Variants in PTPN2 observed in about 807,000 individuals in gnomAD.
PTPN2 encodes protein tyrosine phosphatase non-receptor type 2.
Under a neutral mutation model 57.3 loss-of-function variants are expected in PTPN2, and 19 were observed. The ratio of observed to expected loss-of-function variants is 0.33; its 90% CI spans 0.23 to 0.49. The LOEUF (loss-of-function observed/expected upper bound fraction) is 0.49, where lower values mean the gene tolerates loss of function less well. Among genes scored for constraint, PTPN2 ranks in the 20% least tolerant of loss-of-function variants. The probability of loss-of-function intolerance (pLI) is 0.99; values close to 1 mark genes in which losing one functional copy is unlikely to be tolerated. For missense variants in PTPN2, 358 were observed against 501.1 expected (o/e 0.71, Z 2.73); for synonymous variants, 153 against 164.9 (o/e 0.93, Z 0.55).
At chr18:12,818,225 T>A (rs2847285) in intron 5 of PTPN2, among the ~76,000 whole-genome samples, 43,385 of 152,188 alleles carry the variant, frequency 0.29, 7,309 homozygotes, top group Admixed American at 0.4. Context: ...GTTTATTTTT[T>A]AAATATAATC....
chr18:12,869,986 C>T (rs1464445524), intron 1 of PTPN2, among the ~76,000 whole-genome samples: 1 of 151,948 alleles, frequency 6.6e-6, no homozygotes, highest in East Asian at 1.9e-4. Flanking sequence ...CCTTAATATG[C>T]CTGCCACTGG....
intron 1 of PTPN2, among the ~76,000 whole-genome samples, chr18:12,882,157 C>T (rs1027098781): frequency 2.6e-5 from 4 of 152,214 alleles, no homozygotes; most frequent in Non-Finnish European, 5.9e-5. Flanking sequence ...CTCAAACTTC[C>T]TGACTTGCTT....
At chr18:12,867,345 T>C (rs1028343531) in intron 1 of PTPN2, among the ~76,000 whole-genome samples, 3 of 151,244 alleles carry the variant, frequency 2.0e-5, no homozygotes, top group Non-Finnish European at 2.9e-5. Flanking sequence ...AATAAATAAA[T>C]GAAATAAAAA....
chr18:12,804,538 C>T (rs1207918883), intron 7 of PTPN2, among the ~76,000 whole-genome samples: 1 of 150,734 alleles, frequency 6.6e-6, no homozygotes, highest in Non-Finnish European at 1.5e-5. Context: ...AGACTCAAAT[C>T]AGAGATGAAA....
chr18:12,804,994 A>C (rs1245354550), intron 7 of PTPN2, among the ~76,000 whole-genome samples: 4 of 152,254 alleles, frequency 2.6e-5, no homozygotes, highest in Non-Finnish European at 1.5e-5. Context: ...AATTGAATTC[A>C]ACAGTATATT....
chr18:12,853,978 T>C (rs2043484162), intron 2 of PTPN2, among the ~76,000 whole-genome samples: 1 of 152,156 alleles, frequency 6.6e-6, no homozygotes, highest in African/African-American at 2.4e-5. Flanking sequence ...AACAAGGAGA[T>C]GGGTTTGGAG....
chr18:12,875,214 G>A (rs2044446355), intron 1 of PTPN2, among the ~76,000 whole-genome samples: 1 of 151,616 alleles, frequency 6.6e-6, no homozygotes, highest in Non-Finnish European at 1.5e-5. Flanking sequence ...AGAGACCTTT[G>A]TTCACTTGTT....
At chr18:12,852,926 C>A (rs973863780) in intron 2 of PTPN2, among the ~76,000 whole-genome samples, 2 of 152,132 alleles carry the variant, frequency 1.3e-5, no homozygotes. Context: ...GTTCAGGCTA[C>A]CATTCTTTTT....
chr18:12,834,409 C>T lies in PTPN2; in HGVS notation c.261+2382G>A, dbSNP rs887387634. Among the ~76,000 whole-genome samples, 4 of 151,718 alleles carry T rather than the reference C, an allele frequency of 2.6e-5. No homozygotes were observed. The South Asian group carries it at 8.3e-4, about 32-fold the overall frequency. ...TATAAAATAAAGGTAATACTATTTA[C>T]CACAGAGGGTTGTCCTAAGGTTTAA... On this transcript the variant is annotated intron_variant, in intron 3 of 8. Transcript: ENST00000309660.
intron 5 of PTPN2, among the ~76,000 whole-genome samples, chr18:12,825,568 A>G (rs148716610): frequency 3.3e-5 from 5 of 152,164 alleles, no homozygotes; most frequent in Admixed American, 3.3e-4. Flanking sequence ...ATGTATTTCT[A>G]TTAATTAATT....
intron 7 of PTPN2, among the ~76,000 whole-genome samples, chr18:12,811,237 C>G (rs767108607): frequency 1.3e-5 from 2 of 152,116 alleles, no homozygotes; most frequent in Non-Finnish European, 2.9e-5. Context: ...GCTGTGACCC[C>G]TTATAAAGAT....
intron 1 of PTPN2, chr18:12,872,408 G>C (rs564571263): frequency 5.9e-5 from 9 of 152,304 alleles, no homozygotes; most frequent in Admixed American, 3.9e-4. Context: ...TCAGTGACAC[G>C]AACCAAATGA....
In PTPN2 at chr18:12,794,260, C is replaced by T; in HGVS notation, c.*18G>A. The T allele has an allele frequency of 6.2e-7, 1 of 1,613,780 alleles. No homozygotes were observed. The highest frequency in any genetic ancestry group is 8.5e-7 in the Non-Finnish European group (1 of 1,179,828). On this transcript the variant is annotated 3_prime_UTR_variant, in exon 9 of 9. Transcript: ENST00000309660. The stretch of plus-strand genomic sequence containing the variant: ...TGTCAGTTACTAGTGCAGAAGCTTG[C>T]TGGGCAAAATTAATTGTTTATAGGG...
At chr18:12,831,287 T>C (rs2042659632) in intron 3 of PTPN2, among the ~76,000 whole-genome samples, 1 of 152,178 alleles carries the variant, frequency 6.6e-6, no homozygotes, top group South Asian at 2.1e-4. Flanking sequence ...GTGTAAGATA[T>C]CAAGTGGCTT....
At chr18:12,863,469 G>T (rs1212210860) in intron 1 of PTPN2, 2 of 140,134 alleles carry the variant, frequency 1.4e-5, no homozygotes, top group Admixed American at 1.5e-4. Flanking sequence ...AAAAAAAAAA[G>T]TTTCCCATCA....
At chr18:12,870,310 C>CAT (rs1338348193) in intron 1 of PTPN2, among the ~76,000 whole-genome samples, 675 of 57,300 alleles carry the variant, frequency 0.012, 51 homozygotes, top group Non-Finnish European at 0.016. Context: ...TGTATATATA[C>CAT]ATATATATGT....
chr18:12,802,374 A>C (rs535077598), intron 7 of PTPN2, among the ~76,000 whole-genome samples: 1 of 152,350 alleles, frequency 6.6e-6, no homozygotes, highest in East Asian at 1.9e-4. Context: ...ATTTATGTAC[A>C]TGAGTATATA....
At chr18:12,855,919 C>A (rs1389925417) in intron 2 of PTPN2, among the ~76,000 whole-genome samples, 1 of 152,172 alleles carries the variant, frequency 6.6e-6, no homozygotes, top group African/African-American at 2.4e-5. Flanking sequence ...AATTTCAATT[C>A]AATACATTTC....
intron 3 of PTPN2, among the ~76,000 whole-genome samples, chr18:12,834,721 G>GAA (rs140091439): frequency 6.1e-5 from 9 of 147,888 alleles, no homozygotes; most frequent in Admixed American, 2.0e-4. Flanking sequence ...CAGACTGGAG[G>GAA]AGAAAAAAAA....
Sources: allele counts gnomAD v4.1 joint callset (sites outside exome capture counted in the v4.1 genomes callset), GRCh38; gene constraint gnomAD v4.1.1; transcripts MANE v1.5; gene names NCBI Gene and HGNC (gene_info 2026-07-23, HGNC 2026-07-21).